TEAD3: variants seen among roughly 807,000 people sequenced by gnomAD.
TEAD3 encodes the protein transcriptional enhancer factor TEF-5.
In TEAD3, 15 loss-of-function variants were observed where a neutral mutation model predicts 55.6. That is an observed-to-expected ratio of 0.27 (90% CI 0.18 to 0.42). TEAD3 has a LOEUF of 0.42. Ranked by LOEUF, TEAD3 falls within the 10% of genes least tolerant of loss-of-function variation. TEAD3 has a pLI of 1.00. For synonymous variants in TEAD3, 210 were observed against 232.2 expected (o/e 0.90, Z 0.87); for missense variants, 407 against 576.8 (o/e 0.71, Z 3.01).
In TEAD3 at chr6:35,484,549, C is replaced by CGT; in HGVS notation, c.267+9_267+10dup. 1 of 1,598,106 alleles carries CGT rather than the reference C, an allele frequency of 6.3e-7. No homozygotes were observed. Among genetic ancestry groups the CGT allele is most frequent in the East Asian group, 2.3e-5 (1 of 44,306 alleles). ...TGTGGGTGGCAGGCCCAGCATAAACCGTCTCTCTACCTGTTTTCTCGTCCG... is the reference window on the plus strand; with the variant it reads ...TGTGGGTGGCAGGCCCAGCATAAACCGTGTCTCTCTACCTGTTTTCTCGTCCG... On this transcript the variant is annotated intron_variant, in intron 3 of 12. Transcript: ENST00000639578. This position sits in a 1 kb window ranked among gnomAD's most constrained non-coding sequence, Gnocchi z 5.8.
At chr6:35,489,901 CAAAA>C (rs1581728932) in intron 1 of TEAD3, among the ~76,000 whole-genome samples, 1 of 151,830 alleles carries the variant, frequency 6.6e-6, no homozygotes, top group Non-Finnish European at 1.5e-5. Flanking sequence ...ATTAAAAAAA[CAAAA>C]AGAAAAAATT....
Position 35,475,193 on chromosome 6 carries a change from G to C in TEAD3, c.1195-36C>G. On this transcript the variant is annotated intron_variant, in intron 12 of 12. Transcript: ENST00000639578. This position sits in a 1 kb window ranked among gnomAD's most constrained non-coding sequence, Gnocchi z 5.4. ...AGCAGGTAAGAGATTCAGGAGGTCA[G>C]GGAGAAAAGGGCCACGGGGCAGGGG... is the stretch of plus-strand genomic sequence containing the variant. 1 of 1,567,840 alleles carries C rather than the reference G, an allele frequency of 6.4e-7. No homozygotes were observed. The highest frequency in any genetic ancestry group is 8.7e-7 in the Non-Finnish European group (1 of 1,155,084).
chr6:35,480,334 C>T (rs373274888), intron 3 of TEAD3: 8 of 1,613,772 alleles, frequency 5.0e-6, no homozygotes, highest in East Asian at 2.2e-5. Context: ...CTGGTACTCC[C>T]GCACCTTCTT....
At position 35,479,394 on chromosome 6, in the gene TEAD3, T is replaced by A. The variant is rs954816232; in HGVS notation, c.331-78A>T. ...GTGGGCTGAGGGACGTCTTTGCGCC[T>A]ACCTCCACCCAGTGCCCATGGGTTT... On this transcript the variant is annotated intron_variant, in intron 4 of 12. Coordinates refer to ENST00000639578, the Ensembl canonical transcript of TEAD3. 4.5e-6 allele frequency: 7 copies of A among 1,565,870 alleles called. No individual in the cohort carries two copies. In the East Asian group the frequency reaches 1.6e-4, roughly 35 times the overall value.
At position 35,483,651 on chromosome 6, in the gene TEAD3, G is replaced by A. The variant is rs572553092; in HGVS notation, c.267+909C>T. Reference sequence around the variant, plus strand: ...CTAATCCATTGTCCCGGCTGCTTGAGGGCCTTCCTCAACAGCTGCCACCTG... The same window carrying A: ...CTAATCCATTGTCCCGGCTGCTTGAAGGCCTTCCTCAACAGCTGCCACCTG... On this transcript the variant is annotated intron_variant, in intron 3 of 12. Transcript: ENST00000639578. The surrounding 1 kb of genome is among the most constrained non-coding windows in gnomAD (Gnocchi z 4.5). Among the ~76,000 whole-genome samples the A allele has an allele frequency of 4.8e-4, 73 of 152,228 alleles. No homozygotes were observed. The highest frequency in any genetic ancestry group is 8.4e-4 in the Non-Finnish European group (57 of 68,006).
In TEAD3 at chr6:35,478,421, G is replaced by A; in HGVS notation, c.480+13C>T. 6.2e-7 allele frequency: 1 copy of A among 1,613,656 alleles called. No homozygotes were observed. The highest frequency in any genetic ancestry group is 8.5e-7 in the Non-Finnish European group (1 of 1,179,810). The stretch of plus-strand genomic sequence containing the variant: ...ACACCCCCACACCAGCCCACCTCCT[G>A]GGACCCATGTACCCGCGAGGAAGTG... On this transcript the variant is annotated intron_variant, in intron 6 of 12. Transcript: ENST00000639578.
chr6:35,490,860 G>A lies in TEAD3; in HGVS notation c.-49-4149C>T, dbSNP rs371034077. 2.6e-4 allele frequency among the ~76,000 whole-genome samples: 40 copies of A among 152,314 alleles called. No homozygotes were observed. The East Asian group carries it at 5.6e-3, about 21-fold the overall frequency. ...AGGGGTGGGACATCTAGAGAAAGCT[G>A]ACTGCGGGCGAGAGGGCAAGCCCTG... On this transcript the variant is annotated intron_variant, in intron 1 of 12. Coordinates refer to ENST00000639578, the Ensembl canonical transcript of TEAD3.
intron 7 of TEAD3, among the ~76,000 whole-genome samples, chr6:35,477,620 C>G (rs996924901): frequency 2.9e-5 from 3 of 104,984 alleles, no homozygotes; most frequent in African/African-American, 7.6e-5. Context: ...CCCCACCCCC[C>G]ACCCTGAAAA....
chr6:35,496,793 T>A lies in TEAD3; in HGVS notation c.-50+105A>T, dbSNP rs1768675178. 1 of 150,334 alleles carries A rather than the reference T, an allele frequency of 6.7e-6. No individual in the cohort carries two copies. Among genetic ancestry groups the A allele is most frequent in the South Asian group, 2.1e-4 (1 of 4,760 alleles). 9.3% of individuals were successfully genotyped at this position (150,334 alleles called of 1,614,324 possible). A position where few individuals can be genotyped will look rare whatever the true frequency, so the allele number is the denominator to read the frequency against. On this transcript the variant is annotated intron_variant, in intron 1 of 12. Transcript: ENST00000639578. The surrounding 1 kb of genome is among the most constrained non-coding windows in gnomAD (Gnocchi z 4.8). ...GCTCCAGCTCCGGCTGGACAATAGC[T>A]CGGGGACCCAGTCCCCCTCGAGTGT...
Position 35,486,773 on chromosome 6 carries a change from C to G in TEAD3, c.-49-62G>C. 1 of 1,204,584 alleles carries G rather than the reference C, an allele frequency of 8.3e-7. No homozygotes were observed. Among genetic ancestry groups the G allele is most frequent in the Non-Finnish European group, 1.2e-6 (1 of 864,980 alleles). 74.6% of individuals were successfully genotyped at this position (1,204,584 alleles called of 1,614,324 possible). A position where few individuals can be genotyped will look rare whatever the true frequency, so the allele number is the denominator to read the frequency against. On this transcript the variant is annotated intron_variant, in intron 1 of 12. Transcript: ENST00000639578. The surrounding 1 kb of genome is among the most constrained non-coding windows in gnomAD (Gnocchi z 7.3). ...CTCCTCGACCACAGCAATCTCCTATCCCACAGCCGCTGGCTCTGGAGCTCC... is the reference window on the plus strand; with the variant it reads ...CTCCTCGACCACAGCAATCTCCTATGCCACAGCCGCTGGCTCTGGAGCTCC...
chr6:35,486,393 C>A lies in TEAD3; in HGVS notation c.202+68G>T. 1 of 1,534,218 alleles carries A rather than the reference C, an allele frequency of 6.5e-7. No individual in the cohort carries two copies. The highest frequency in any genetic ancestry group is 8.8e-7 in the Non-Finnish European group (1 of 1,136,980). The stretch of plus-strand genomic sequence containing the variant: ...GCTGGCGGCCTCCGACGTCACCAAA[C>A]CGGTTGGGTGAGAGGGCAGAGAGCA... On this transcript the variant is annotated intron_variant, in intron 2 of 12. Coordinates refer to ENST00000639578, the Ensembl canonical transcript of TEAD3. The surrounding 1 kb of genome is among the most constrained non-coding windows in gnomAD (Gnocchi z 7.3).
Position 35,486,782 on chromosome 6 carries a change from G to C in TEAD3, c.-49-71C>G. On this transcript the variant is annotated intron_variant, in intron 1 of 12. Coordinates refer to ENST00000639578, the Ensembl canonical transcript of TEAD3. This position sits in a 1 kb window ranked among gnomAD's most constrained non-coding sequence, Gnocchi z 7.3. ...CACAGCAATCTCCTATCCCACAGCC[G>C]CTGGCTCTGGAGCTCCGCCCCCAGC... The C allele has an allele frequency of 9.0e-7, 1 of 1,116,802 alleles. No individual in the cohort carries two copies. The highest frequency in any genetic ancestry group is 1.3e-6 in the Non-Finnish European group (1 of 792,222). 69.2% of individuals were successfully genotyped at this position (1,116,802 alleles called of 1,614,324 possible).
In TEAD3 at chr6:35,475,940, G is replaced by A. The variant is rs769767310; in HGVS notation, c.879C>T (p.Ala293=). 3 of 1,538,316 alleles carry A rather than the reference G, an allele frequency of 2.0e-6. No individual in the cohort carries two copies. The South Asian group carries it at 3.8e-5, about 20-fold the overall frequency. ...TCACCCAGAACTTGACAAGGAAGAAGGCATTAGGGGGCCCCTTCTCATAGA... is the reference window on the plus strand; with the variant it reads ...TCACCCAGAACTTGACAAGGAAGAAAGCATTAGGGGGCCCCTTCTCATAGA... Residue 293 remains alanine, a synonymous_variant, in exon 10 of 13, where the codon GCC becomes GCT. Transcript: ENST00000639578. The surrounding 1 kb of genome is among the most constrained non-coding windows in gnomAD (Gnocchi z 5.4).
Position 35,484,215 on chromosome 6 carries a change from C to T in TEAD3, c.267+345G>A, listed in dbSNP as rs1296439304. The stretch of plus-strand genomic sequence containing the variant: ...TACCCATCCATCTGACCATCTGGCT[C>T]CCTGGCTGGTGAGTGAGCCACTCAG... On this transcript the variant is annotated intron_variant, in intron 3 of 12. Coordinates refer to ENST00000639578, the Ensembl canonical transcript of TEAD3. This position sits in a 1 kb window ranked among gnomAD's most constrained non-coding sequence, Gnocchi z 5.8. Among the ~76,000 whole-genome samples, 1 of 152,188 alleles carries T rather than the reference C, an allele frequency of 6.6e-6. No individual in the cohort carries two copies. Among genetic ancestry groups the T allele is most frequent in the Non-Finnish European group, 1.5e-5 (1 of 68,028 alleles).
chr6:35,476,501 C>G, intron 8 of TEAD3, 66 bp from the exon 9 acceptor site: 1 of 1,588,834 alleles, frequency 6.3e-7, no homozygotes, highest in East Asian at 2.2e-5. Flanking sequence ...AAAGCTGCCC[C>G]CAGCTTGCAA....
At chr6:35,489,475 C>A (rs1435402689) in intron 1 of TEAD3, among the ~76,000 whole-genome samples, 1 of 152,148 alleles carries the variant, frequency 6.6e-6, no homozygotes, top group Non-Finnish European at 1.5e-5. Flanking sequence ...CCCAGGAGGT[C>A]CCCCTCAACC....
intron 1 of TEAD3, among the ~76,000 whole-genome samples, chr6:35,493,470 G>A (rs1768576255): frequency 6.6e-6 from 1 of 152,114 alleles, no homozygotes; most frequent in African/African-American, 2.4e-5. Flanking sequence ...GCCAGCATCA[G>A]TCACGCCCCA....
rs540392860 is a variant in TEAD3 at position 35,493,823 on chromosome 6, A to G, written c.-50+3075T>C. Among the ~76,000 whole-genome samples, 8 of 152,314 alleles carry G rather than the reference A, an allele frequency of 5.3e-5. No homozygotes were observed. The South Asian group carries it at 1.7e-3, about 32-fold the overall frequency. On this transcript the variant is annotated intron_variant, in intron 1 of 12. Coordinates refer to ENST00000639578, the Ensembl canonical transcript of TEAD3. ...ATCGTGCGAGTGCGGTGTCCTTCAC[A>G]CGCAGGTCACTTGAGCATCAGAGCC...
intron 1 of TEAD3, among the ~76,000 whole-genome samples, chr6:35,493,701 G>A (rs947837645): frequency 5.3e-5 from 8 of 152,188 alleles, no homozygotes; most frequent in African/African-American, 1.4e-4. Context: ...ACAACATGCA[G>A]GTCACAAGTG....
Sources: gnomAD v4.1 joint callset for allele counts (sites outside exome capture counted in the v4.1 genomes callset) on GRCh38, gnomAD v4.1.1 for gene constraint, Gnocchi (gnomAD v3.1) non-coding constraint, MANE v1.5 for transcripts, NCBI Gene and HGNC (gene_info 2026-07-23, HGNC 2026-07-21) for gene names.